The following STK39 variants were observed in gnomAD, a reference collection of about 807,000 sequenced individuals.
STK39 encodes serine/threonine kinase 39, also known as STE20/SPS1-related proline-alanine-rich protein kinase.
Under a neutral mutation model 77.8 loss-of-function variants are expected in STK39, and 20 were observed. The ratio of observed to expected loss-of-function variants is 0.26; its 90% CI spans 0.18 to 0.37. The LOEUF is 0.37. Ranked by LOEUF, STK39 falls within the 10% of genes least tolerant of loss-of-function variation. The pLI, the probability that STK39 is intolerant of heterozygous loss-of-function variation, is 1.00. For missense variants in STK39, 479 were observed against 656.5 expected (o/e 0.73, Z 2.95); for synonymous variants, 246 against 234.1 (o/e 1.05, Z -0.47).
At chr2:168,126,753 G>GAC (rs1687552992) in intron 10 of STK39, among the ~76,000 whole-genome samples, 1 of 152,206 alleles carries the variant, frequency 6.6e-6, no homozygotes, top group African/African-American at 2.4e-5. Flanking sequence ...GGCAGAGTAT[G>GAC]TCAAAGAACC....
At chr2:168,199,152 G>C (rs1574548780) in intron 1 of STK39, among the ~76,000 whole-genome samples, 1 of 152,182 alleles carries the variant, frequency 6.6e-6, no homozygotes, top group East Asian at 1.9e-4. Context: ...CTGATACTTA[G>C]GGGGTTACAC....
chr2:168,169,125 G>T (rs1366493176), intron 2 of STK39, among the ~76,000 whole-genome samples: 2 of 152,062 alleles, frequency 1.3e-5, no homozygotes, highest in East Asian at 1.9e-4. Context: ...ACTGATTACA[G>T]GTTTTCTAAA....
At chr2:168,117,754 C>T (rs1308052790) in intron 10 of STK39, among the ~76,000 whole-genome samples, 1 of 152,046 alleles carries the variant, frequency 6.6e-6, no homozygotes, top group Admixed American at 6.5e-5. Flanking sequence ...GTGTTGAAGG[C>T]CGAGGTGGCC....
At position 168,052,099 on chromosome 2, in the gene STK39, A is replaced by T. The variant is rs1685413810; in HGVS notation, c.1376+11401T>A. Among the ~76,000 whole-genome samples, 5 of 152,088 alleles carry T rather than the reference A, an allele frequency of 3.3e-5. No individual in the cohort carries two copies. In the South Asian group the frequency reaches 1.0e-3, roughly 32 times the overall value. On this transcript the variant is annotated intron_variant, in intron 14 of 17. Transcript: ENST00000355999. ...GTGAACGATGAGAGTTTGTCCTGAG[A>T]CCTAGAGGTGGGAACTGCCAATAGA...
intron 10 of STK39, among the ~76,000 whole-genome samples, chr2:168,096,013 T>G (rs951471318): frequency 6.6e-6 from 1 of 152,216 alleles, no homozygotes; most frequent in Non-Finnish European, 1.5e-5. Flanking sequence ...CATATGCCTA[T>G]TGCATTTTAA....
intron 16 of STK39, among the ~76,000 whole-genome samples, chr2:167,996,490 A>G (rs1287441481): frequency 6.6e-6 from 1 of 152,226 alleles, no homozygotes; most frequent in Non-Finnish European, 1.5e-5. Flanking sequence ...AGGAGGATGC[A>G]CTAATGTGTC....
chr2:168,104,782 C>A (rs1349154350), intron 10 of STK39, among the ~76,000 whole-genome samples: 3 of 152,038 alleles, frequency 2.0e-5, no homozygotes, highest in Non-Finnish European at 4.4e-5. Context: ...ATGTATATAC[C>A]CTTTGACCTT....
intron 10 of STK39, among the ~76,000 whole-genome samples, chr2:168,118,402 G>A (rs769795406): frequency 3.9e-5 from 6 of 151,976 alleles, no homozygotes; most frequent in Non-Finnish European, 5.9e-5. Context: ...TTCAGAGTAT[G>A]TGTCATTATT....
intron 16 of STK39, among the ~76,000 whole-genome samples, chr2:167,975,183 T>A (rs1171965596): frequency 6.6e-6 from 1 of 152,200 alleles, no homozygotes; most frequent in African/African-American, 2.4e-5. Context: ...TGACTCATCA[T>A]GGAAAAGACA....
At chr2:168,033,653 G>C (rs1006763769) in intron 14 of STK39, among the ~76,000 whole-genome samples, 1 of 152,156 alleles carries the variant, frequency 6.6e-6, no homozygotes, top group African/African-American at 2.4e-5. Context: ...ATAACTCCTT[G>C]TAACAGCCTC....
chr2:168,088,373 CA>C (rs371769940), intron 10 of STK39, among the ~76,000 whole-genome samples: 17 of 152,236 alleles, frequency 1.1e-4, no homozygotes, highest in African/African-American at 3.6e-4. Flanking sequence ...AGTCAATTTT[CA>C]GTGTGGTCTC....
At chr2:168,038,853 A>G (rs960701950) in intron 14 of STK39, among the ~76,000 whole-genome samples, 1 of 152,196 alleles carries the variant, frequency 6.6e-6, no homozygotes, top group Non-Finnish European at 1.5e-5. Context: ...AGATACCACT[A>G]CACACCTATT....
chr2:168,022,351 C>A (rs911236255), intron 14 of STK39, among the ~76,000 whole-genome samples: 7 of 152,058 alleles, frequency 4.6e-5, no homozygotes, highest in African/African-American at 1.7e-4. Context: ...TAAGTTGCAC[C>A]CATTTATGCT....
intron 1 of STK39, among the ~76,000 whole-genome samples, chr2:168,197,378 A>G (rs1268925836): frequency 4.6e-5 from 7 of 152,232 alleles, no homozygotes. Flanking sequence ...AAACCCTGCC[A>G]ACGCTGGCCC....
At chr2:168,206,363 C>G (rs976906131) in intron 1 of STK39, among the ~76,000 whole-genome samples, 1 of 150,976 alleles carries the variant, frequency 6.6e-6, no homozygotes, top group Non-Finnish European at 1.5e-5. Context: ...TGCAATGGCG[C>G]GATCTCAGCT....
At chr2:168,024,345 T>C (rs1481500389) in intron 14 of STK39, among the ~76,000 whole-genome samples, 1 of 152,084 alleles carries the variant, frequency 6.6e-6, no homozygotes, top group African/African-American at 2.4e-5. Context: ...GAGGGGGAAA[T>C]AATAATTCAC....
At chr2:167,991,136 T>C (rs1310904322) in intron 16 of STK39, among the ~76,000 whole-genome samples, 1 of 152,242 alleles carries the variant, frequency 6.6e-6, no homozygotes, top group Non-Finnish European at 1.5e-5. Context: ...TGCAAAATCC[T>C]ATTCATCACA....
At chr2:167,996,497 T>C (rs1683841758) in intron 16 of STK39, among the ~76,000 whole-genome samples, 1 of 152,222 alleles carries the variant, frequency 6.6e-6, no homozygotes, top group South Asian at 2.1e-4. Context: ...TGCACTAATG[T>C]GTCATCTCTC....
chr2:168,213,754 G>T (rs1574561723), intron 1 of STK39, among the ~76,000 whole-genome samples: 2 of 151,302 alleles, frequency 1.3e-5, no homozygotes, highest in East Asian at 3.9e-4. Context: ...GCATAGAGCA[G>T]TTAACCTTGG....
Sources: allele counts gnomAD v4.1 joint callset (sites outside exome capture counted in the v4.1 genomes callset), GRCh38; gene constraint gnomAD v4.1.1; transcripts MANE v1.5; gene names NCBI Gene and HGNC (gene_info 2026-07-23, HGNC 2026-07-21).